The following TLN1 variants were observed in gnomAD, a reference collection of about 807,000 sequenced individuals.
The protein encoded by TLN1 is talin-1.
Under a neutral mutation model 292.3 loss-of-function variants are expected in TLN1, and 56 were observed. That is an observed-to-expected ratio of 0.19 (90% CI 0.15 to 0.24). The LOEUF is 0.24. Ranked by LOEUF, TLN1 falls within the 10% of genes least tolerant of loss-of-function variation. TLN1 has a pLI of 1.00. For missense variants in TLN1, 2,433 were observed against 3,248.2 expected (o/e 0.75, Z 6.10); for synonymous variants, 1,119 against 1,253.7 (o/e 0.89, Z 2.27).
At chr9:35,718,776 A>G in intron 17 of TLN1, 36 bp downstream of exon 17, 1 of 1,579,394 alleles carries the variant, frequency 6.3e-7, no homozygotes, top group Non-Finnish European at 8.7e-7. Flanking sequence ...TACTTCCTAG[A>G]TTCTGGGGTT....
In TLN1 at chr9:35,699,885, C is replaced by T. The variant is rs116187598; in HGVS notation, c.6768+89G>A. Reference sequence around the variant, plus strand: ...GGGTGGGGTAGGGAGGAGATCTGAGCAAAACAGACAGCAGGGTGCGAGGCC... The same window carrying T: ...GGGTGGGGTAGGGAGGAGATCTGAGTAAAACAGACAGCAGGGTGCGAGGCC... On this transcript the variant is annotated intron_variant, in intron 50 of 56. Coordinates refer to ENST00000314888, the MANE Select transcript of TLN1 (RefSeq NM_006289.4). The surrounding 1 kb of genome is among the most constrained non-coding windows in gnomAD (Gnocchi z 4.0). The T allele has an allele frequency of 2.6e-3, 3,600 of 1,381,466 alleles. 76 individuals are homozygous for T. The African/African-American group carries it at 0.045, about 17-fold the overall frequency. 85.6% of individuals were successfully genotyped at this position (1,381,466 alleles called of 1,614,324 possible).
chr9:35,712,981 C>A lies in TLN1; in HGVS notation c.3415G>T (p.Ala1139Ser), dbSNP rs772253612. Reference sequence around the variant, plus strand: ...ACTGCAGGATCTGACGTCAGTGCAGCGACTCCCCTAGCGGCCTGGGCCAGT... The same window carrying A: ...ACTGCAGGATCTGACGTCAGTGCAGAGACTCCCCTAGCGGCCTGGGCCAGT... The part of the protein sequence containing the change: ...RSLAQAARGV[A>S]ALTSDPAVQA... The change falls in exon 27 of 57, where the codon GCT becomes TCT. Residue 1139 changes from alanine (A) to serine (S), a missense_variant. This residue lies in a region of TLN1 where 1,384 missense variants were observed against 1,699.6 expected (regional missense o/e 0.81). Coordinates refer to ENST00000314888, the MANE Select transcript of TLN1 (RefSeq NM_006289.4). 6.2e-7 allele frequency: 1 copy of A among 1,609,622 alleles called. No homozygotes were observed. Among genetic ancestry groups the A allele is most frequent in the Admixed American group, 1.7e-5 (1 of 59,644 alleles).
intron 7 of TLN1, 187 bp downstream of exon 7, chr9:35,723,764 AT>A (rs1391037631): frequency 2.5e-6 from 2 of 797,176 alleles, no homozygotes; most frequent in East Asian, 5.2e-5. Context: ...ACTGAACTAC[AT>A]TCATATTCCA....
intron 17 of TLN1, 29 bp downstream of exon 17, chr9:35,718,783 G>T: frequency 6.3e-7 from 1 of 1,590,756 alleles, no homozygotes; most frequent in South Asian, 1.1e-5. Flanking sequence ...TAGATTCTGG[G>T]GTTCTGGGGG....
chr9:35,699,912 G>A lies in TLN1; in HGVS notation c.6768+62C>T, dbSNP rs1587975333. ...AAACAGACAGCAGGGTGCGAGGCCT[G>A]CAGGAAGAGGGCTGTGTATTCAGGG... On this transcript the variant is annotated intron_variant, in intron 50 of 56. Transcript: ENST00000314888. This position sits in a 1 kb window ranked among gnomAD's most constrained non-coding sequence, Gnocchi z 4.0. 4 of 1,511,242 alleles carry A rather than the reference G, an allele frequency of 2.6e-6. No homozygotes were observed. The highest frequency in any genetic ancestry group is 2.7e-6 in the Non-Finnish European group (3 of 1,105,314). 93.6% of individuals were successfully genotyped at this position (1,511,242 alleles called of 1,614,324 possible). A position where few individuals can be genotyped will look rare whatever the true frequency, so the allele number is the denominator to read the frequency against.
Position 35,699,928 on chromosome 9 carries a change from G to A in TLN1, c.6768+46C>T. The A allele has an allele frequency of 6.4e-7, 1 of 1,561,054 alleles. No individual in the cohort carries two copies. Among genetic ancestry groups the A allele is most frequent in the Non-Finnish European group, 8.8e-7 (1 of 1,141,558 alleles). ...GCGAGGCCTGCAGGAAGAGGGCTGT[G>A]TATTCAGGGAGGCTGGTATGAGGAA... is the stretch of plus-strand genomic sequence containing the variant. On this transcript the variant is annotated intron_variant, in intron 50 of 56. Coordinates refer to ENST00000314888, the MANE Select transcript of TLN1 (RefSeq NM_006289.4). The surrounding 1 kb of genome is among the most constrained non-coding windows in gnomAD (Gnocchi z 4.0).
rs879217827 is a variant in TLN1, at chr9:35,706,495, C to A, written c.5145G>T (p.Pro1715=). The change falls in exon 39 of 57, where the codon CCG becomes CCT. Residue 1715 remains proline, a synonymous_variant. Coordinates refer to ENST00000314888, the MANE Select transcript of TLN1 (RefSeq NM_006289.4). The surrounding 1 kb of genome is among the most constrained non-coding windows in gnomAD (Gnocchi z 4.2). ...AVQEISHLIE[P]LANAARAEAS... is the part of the protein sequence containing the mutation. ...CTTCAGCCCGGGCAGCATTGGCCAGCGGCTCAATGAGATGGGAGATCTCTT... is the reference window on the plus strand; with the variant it reads ...CTTCAGCCCGGGCAGCATTGGCCAGAGGCTCAATGAGATGGGAGATCTCTT... The A allele has an allele frequency of 1.9e-6, 3 of 1,613,934 alleles. No homozygotes were observed. Among genetic ancestry groups the A allele is most frequent in the African/African-American group, 2.7e-5 (2 of 74,898 alleles).
rs1825927530 is a variant in TLN1 at position 35,724,222 on chromosome 9, G to A, written c.624C>T (p.Asp208=). Residue 208 remains aspartate (D), a synonymous_variant, in exon 6 of 57, where the codon GAC becomes GAT. Transcript: ENST00000314888. The surrounding 1 kb of genome is among the most constrained non-coding windows in gnomAD (Gnocchi z 4.7). ...CATACAGGAGGTTCAGCTGTACAGG[G>A]TCCCGGGAATCCACATTCTGGTCTG... is the stretch of plus-strand genomic sequence containing the variant. ...FYSDQNVDSR[D]PVQLNLLYVQ... 1 of 1,614,144 alleles carries A rather than the reference G, an allele frequency of 6.2e-7. No individual in the cohort carries two copies. The highest frequency in any genetic ancestry group is 1.6e-4 in the Middle Eastern group (1 of 6,062).
Position 35,699,173 on chromosome 9 carries a change from A to G in TLN1, c.6875-17T>C, listed in dbSNP as rs761654683. ...ATTCTGTTCCTGGTGGGATGAAGGA[A>G]GAGGAAAGAGGCTAAGGCAGAGTGG... On this transcript the variant is annotated splice_polypyrimidine_tract_variant and intron_variant, in intron 51 of 56. Transcript: ENST00000314888. This position sits in a 1 kb window ranked among gnomAD's most constrained non-coding sequence, Gnocchi z 4.0. The G allele has an allele frequency of 1.3e-6, 2 of 1,598,676 alleles. No homozygotes were observed. The highest frequency in any genetic ancestry group is 1.7e-6 in the Non-Finnish European group (2 of 1,170,878).
chr9:35,706,564 TG>T lies in TLN1; in HGVS notation c.5089-14del, dbSNP rs773071997. The T allele has an allele frequency of 3.1e-6, 5 of 1,613,366 alleles. No individual in the cohort carries two copies. The East Asian group carries it at 1.1e-4, about 36-fold the overall frequency. On this transcript the variant is annotated splice_polypyrimidine_tract_variant and intron_variant, in intron 38 of 56. Transcript: ENST00000314888. The surrounding 1 kb of genome is among the most constrained non-coding windows in gnomAD (Gnocchi z 4.2). The stretch of plus-strand genomic sequence containing the variant: ...GAGTGTGCAAGGCCTGGGGAGGAAG[TG>T]GACATTAGCCCTGATGGTGACCTGC...
In TLN1 at chr9:35,710,994, A is replaced by G. The variant is rs144015099; in HGVS notation, c.4108T>C (p.Leu1370=). Residue 1370 remains leucine (L), a synonymous_variant, in exon 31 of 57, where the codon TTG becomes CTG. Coordinates refer to ENST00000314888, the MANE Select transcript of TLN1 (RefSeq NM_006289.4). ...QKECDNALRE[L]ETVRELLENP... Reference sequence around the variant, plus strand: ...TCAGCCTGCCATGTGTCTACCTCCAATTCCCGCAGGGCGTTATCACACTCC... The same window carrying G: ...TCAGCCTGCCATGTGTCTACCTCCAGTTCCCGCAGGGCGTTATCACACTCC... 3.2e-5 allele frequency: 51 copies of G among 1,613,984 alleles called. No individual in the cohort carries two copies. Among genetic ancestry groups the G allele is most frequent in the Non-Finnish European group, 4.2e-5 (50 of 1,180,008 alleles).
intron 20 of TLN1, among the ~76,000 whole-genome samples, chr9:35,716,180 A>T (rs527319225): frequency 2.0e-4 from 28 of 142,370 alleles, no homozygotes; most frequent in African/African-American, 6.8e-4. Flanking sequence ...ACACAGTGAG[A>T]CCACATCTTT....
Position 35,705,740 on chromosome 9 carries a change from C to G in TLN1, c.5613+10G>C. On this transcript the variant is annotated intron_variant, in intron 42 of 56. Coordinates refer to ENST00000314888, the MANE Select transcript of TLN1 (RefSeq NM_006289.4). ...CCGAGGGCAGTCCTCTGGGACTCGCCCAAACTCACCATCTCCTGAACGGTC... is the reference window on the plus strand; with the variant it reads ...CCGAGGGCAGTCCTCTGGGACTCGCGCAAACTCACCATCTCCTGAACGGTC... 1 of 1,614,208 alleles carries G rather than the reference C, an allele frequency of 6.2e-7. No individual in the cohort carries two copies. The highest frequency in any genetic ancestry group is 8.5e-7 in the Non-Finnish European group (1 of 1,180,040).
Position 35,719,709 on chromosome 9 carries a change from ACCACCGGCCTCT to A in TLN1, c.1578+19_1578+30del. 6.2e-7 allele frequency: 1 copy of A among 1,610,374 alleles called. No homozygotes were observed. ...TATCCCTTGGAGTCTCAGCTTCAGT[ACCACCGGCCTCT>A]CCTCCATCCCATACTTACAGCATCC... On this transcript the variant is annotated intron_variant, in intron 14 of 56. Transcript: ENST00000314888. This position sits in a 1 kb window ranked among gnomAD's most constrained non-coding sequence, Gnocchi z 4.6.
In TLN1 at chr9:35,697,429, AT is replaced by A. The variant is rs1446253714; in HGVS notation, c.*361del. On this transcript the variant is annotated 3_prime_UTR_variant, in exon 57 of 57. Transcript: ENST00000314888. ...GTAGCTGGGGGTGGGGGAAGATAGT[AT>A]CAAAAAACGGTGAAGAGAGCTGATG... 1 of 247,320 alleles carries A rather than the reference AT, an allele frequency of 4.0e-6. No homozygotes were observed. The highest frequency in any genetic ancestry group is 2.3e-5 in the African/African-American group (1 of 44,414). 15.3% of individuals were successfully genotyped at this position (247,320 alleles called of 1,614,324 possible).
Position 35,719,341 on chromosome 9 carries a change from G to C in TLN1, c.1688-59C>G, listed in dbSNP as rs1481804722. 1.9e-6 allele frequency: 3 copies of C among 1,547,444 alleles called. No individual in the cohort carries two copies. Among genetic ancestry groups the C allele is most frequent in the Non-Finnish European group, 2.7e-6 (3 of 1,127,908 alleles). On this transcript the variant is annotated intron_variant, in intron 15 of 56. Coordinates refer to ENST00000314888, the MANE Select transcript of TLN1 (RefSeq NM_006289.4). This position sits in a 1 kb window ranked among gnomAD's most constrained non-coding sequence, Gnocchi z 4.6. Reference sequence around the variant, plus strand: ...ACAGGGCAGGCCAGACGAAGGGCTGGGGAGGGAGCAAAGTCACACCCAGTT... The same window carrying C: ...ACAGGGCAGGCCAGACGAAGGGCTGCGGAGGGAGCAAAGTCACACCCAGTT...
chr9:35,709,816 G>A (rs533888583), intron 33 of TLN1, among the ~76,000 whole-genome samples: 183 of 147,832 alleles, frequency 1.2e-3, no homozygotes, highest in African/African-American at 4.4e-3. Context: ...GAACCCGGGA[G>A]GCGGAGCTTG....
chr9:35,714,171 T>A lies in TLN1; in HGVS notation c.3120+68A>T. On this transcript the variant is annotated intron_variant, in intron 24 of 56. Coordinates refer to ENST00000314888, the MANE Select transcript of TLN1 (RefSeq NM_006289.4). The surrounding 1 kb of genome is among the most constrained non-coding windows in gnomAD (Gnocchi z 4.6). ...CACAATTATCTGCGTATTGGGTTAT[T>A]CTGCACAGATTTCCTCTCATCACAG... 6.3e-7 allele frequency: 1 copy of A among 1,598,942 alleles called. No individual in the cohort carries two copies.
Position 35,707,913 on chromosome 9 carries a change from G to C in TLN1, c.4471-21C>G. 6.2e-7 allele frequency: 1 copy of C among 1,612,084 alleles called. No homozygotes were observed. Among genetic ancestry groups the C allele is most frequent in the Non-Finnish European group, 8.5e-7 (1 of 1,178,594 alleles). ...AGCACCTGAGGAGACACATGGAAGA[G>C]CCACGATGAGGGCAGGAAGGAGGTG... On this transcript the variant is annotated intron_variant, in intron 34 of 56. Coordinates refer to ENST00000314888, the MANE Select transcript of TLN1 (RefSeq NM_006289.4). The surrounding 1 kb of genome is among the most constrained non-coding windows in gnomAD (Gnocchi z 5.6).
Sources: allele counts gnomAD v4.1 joint callset (sites outside exome capture counted in the v4.1 genomes callset), GRCh38; gene constraint gnomAD v4.1.1; regional missense constraint gnomAD v4.1.1; non-coding constraint Gnocchi (gnomAD v3.1); transcripts MANE v1.5; gene names NCBI Gene and HGNC (gene_info 2026-07-23, HGNC 2026-07-21).